Variants in SHROOM3 observed in about 807,000 individuals in gnomAD.
SHROOM3 encodes the protein shroom family member 3, also known as protein Shroom3.
Under a neutral mutation model 138.6 loss-of-function variants are expected in SHROOM3, and 47 were observed. The ratio of observed to expected loss-of-function variants is 0.34; its 90% CI spans 0.27 to 0.43. The LOEUF (loss-of-function observed/expected upper bound fraction) is 0.43, where lower values mean the gene tolerates loss of function less well. Among genes scored for constraint, SHROOM3 ranks in the 20% least tolerant of loss-of-function variants. SHROOM3 has a pLI of 1.00. For synonymous variants in SHROOM3, 1,062 were observed against 1,063.3 expected, an observed-to-expected ratio of 1.00 and a Z score of 0.02; for missense variants, 2,491 against 2,596.5, an observed-to-expected ratio of 0.96 and a Z score of 0.88.
chr4:76,613,825 A>G (rs1734813995), intron 2 of SHROOM3, among the ~76,000 whole-genome samples: 1 of 152,164 alleles, frequency 6.6e-6, no homozygotes, highest in South Asian at 2.1e-4. Context: ...ATCAAGAACA[A>G]CACAATATCA....
chr4:76,494,711 AT>A (rs747315605), intron 1 of SHROOM3, among the ~76,000 whole-genome samples: 4 of 152,124 alleles, frequency 2.6e-5, no homozygotes, highest in Non-Finnish European at 5.9e-5. Context: ...TATTTTAGTT[AT>A]TTATCCTGAG....
intron 1 of SHROOM3, among the ~76,000 whole-genome samples, chr4:76,528,343 CTTT>C (rs75403198): frequency 2.6e-5 from 1 of 38,492 alleles, no homozygotes; most frequent in African/African-American, 1.1e-4. Flanking sequence ...TCTTCTTCTT[CTTT>C]TTTTTTTTTT....
intron 1 of SHROOM3, among the ~76,000 whole-genome samples, chr4:76,545,104 C>CT (rs1560540382): frequency 1.4e-5 from 2 of 146,724 alleles, no homozygotes; most frequent in Admixed American, 6.7e-5. Flanking sequence ...TTTTTTTTTT[C>CT]TTTTTTTGTA....
At chr4:76,561,687 A>G in intron 2 of SHROOM3, among the ~76,000 whole-genome samples, 1 of 76,300 alleles carries the variant, frequency 1.3e-5, no homozygotes, top group African/African-American at 4.1e-5. Flanking sequence ...CTGTGATGCT[A>G]AAAAAAAAAA....
At chr4:76,486,385 A>G (rs1021744754) in intron 1 of SHROOM3, among the ~76,000 whole-genome samples, 6 of 152,252 alleles carry the variant, frequency 3.9e-5, no homozygotes, top group African/African-American at 1.2e-4. Flanking sequence ...AAATATTTGA[A>G]TAAGATGGGA....
intron 1 of SHROOM3, among the ~76,000 whole-genome samples, chr4:76,504,625 G>A (rs1046882864): frequency 1.3e-5 from 2 of 152,152 alleles, no homozygotes; most frequent in South Asian, 2.1e-4. Flanking sequence ...CCTTATTAGA[G>A]ATTAATAATA....
intron 1 of SHROOM3, among the ~76,000 whole-genome samples, chr4:76,497,785 G>A (rs532731040): frequency 1.3e-5 from 2 of 152,218 alleles, no homozygotes; most frequent in East Asian, 3.8e-4. Context: ...TTGAACCTGG[G>A]AGATGGAGGT....
rs111333287 is a variant in SHROOM3 at position 76,510,211 on chromosome 4, C to T, written c.169-45398C>T. ...CCTCAGTATTATTTTATAGTACAAA[C>T]GTGTTGAAATCAATTTCAATGTGCC... On this transcript the variant is annotated intron_variant, in intron 1 of 10. Coordinates refer to ENST00000296043, the MANE Select transcript of SHROOM3 (RefSeq NM_020859.4). Among the ~76,000 whole-genome samples, 202 of 152,090 alleles carry T rather than the reference C, an allele frequency of 1.3e-3. 2 individuals are homozygous for T. The highest frequency in any genetic ancestry group is 4.2e-3 in the African/African-American group (174 of 41,484).
chr4:76,618,792 T>C (rs1734937207), intron 2 of SHROOM3, among the ~76,000 whole-genome samples: 1 of 152,270 alleles, frequency 6.6e-6, no homozygotes, highest in Non-Finnish European at 1.5e-5. Context: ...GTTAGTTGAC[T>C]CAATAATGTC....
intron 1 of SHROOM3, among the ~76,000 whole-genome samples, chr4:76,525,591 A>C (rs931651160): frequency 1.3e-5 from 2 of 152,266 alleles, no homozygotes; most frequent in East Asian, 3.9e-4. Context: ...CATTTCATGC[A>C]CTTATTTACC....
chr4:76,660,718 C>G (rs1249725901), intron 2 of SHROOM3, among the ~76,000 whole-genome samples: 1 of 152,140 alleles, frequency 6.6e-6, no homozygotes, highest in African/African-American at 2.4e-5. Context: ...TCAGGTAATC[C>G]ACCTGCCTCA....
intron 1 of SHROOM3, 87 bp from the exon 2 acceptor site, chr4:76,555,522 G>T: frequency 6.3e-7 from 1 of 1,591,052 alleles, no homozygotes; most frequent in African/African-American, 1.3e-5. Context: ...GGCTCTGCAG[G>T]AGTCTAAGCT....
intron 10 of SHROOM3, among the ~76,000 whole-genome samples, chr4:76,777,832 CAT>C (rs1176188464): frequency 1.3e-5 from 2 of 152,110 alleles, no homozygotes; most frequent in Non-Finnish European, 2.9e-5. Flanking sequence ...TTAAAGATAA[CAT>C]ATGCTACAAT....
intron 2 of SHROOM3, among the ~76,000 whole-genome samples, chr4:76,690,137 C>G (rs1719479760): frequency 6.6e-6 from 1 of 152,164 alleles, no homozygotes; most frequent in Admixed American, 6.5e-5. Context: ...CCCCCAACCC[C>G]CACTTGCTCC....
intron 2 of SHROOM3, among the ~76,000 whole-genome samples, chr4:76,632,022 G>C (rs1334595646): frequency 6.6e-6 from 1 of 152,146 alleles, no homozygotes; most frequent in Non-Finnish European, 1.5e-5. Flanking sequence ...GGTTTTATCT[G>C]AATAATTGGG....
At position 76,693,376 on chromosome 4, in the gene SHROOM3, T is replaced by TTTTTTTTTG. The variant is rs1193080589; in HGVS notation, c.324-16772_324-16771insGTTTTTTTT. Among the ~76,000 whole-genome samples the TTTTTTTTTG allele has an allele frequency of 2.0e-4, 25 of 124,834 alleles. No homozygotes were observed. In the East Asian group the frequency reaches 5.6e-3, roughly 28 times the overall value. 81.9% of individuals were successfully genotyped at this position (124,834 alleles called of 152,430 possible). A position where few individuals can be genotyped will look rare whatever the true frequency, so the allele number is the denominator to read the frequency against. On this transcript the variant is annotated intron_variant, in intron 2 of 10. Transcript: ENST00000296043. The stretch of plus-strand genomic sequence containing the variant: ...CCTTCATTTTGATAAGTTTGTTTTT[T>TTTTTTTTTG]TTTTTTTTTTTTTTTTTAAAGCAAC...
At chr4:76,486,915 A>AT (rs2109991073) in intron 1 of SHROOM3, among the ~76,000 whole-genome samples, 1 of 152,144 alleles carries the variant, frequency 6.6e-6, no homozygotes, top group East Asian at 1.9e-4. Context: ...GCAACTTTAA[A>AT]AAAAAAACCT....
chr4:76,571,429 C>T (rs1733830373), intron 2 of SHROOM3, among the ~76,000 whole-genome samples: 1 of 152,208 alleles, frequency 6.6e-6, no homozygotes, highest in African/African-American at 2.4e-5. Context: ...AGAAAGCACA[C>T]ACTGGGCCCT....
intron 2 of SHROOM3, among the ~76,000 whole-genome samples, chr4:76,620,070 C>CAAAAAAAAAAA (rs68039696): frequency 1.6e-5 from 1 of 61,096 alleles, no homozygotes; most frequent in Non-Finnish European, 3.2e-5. Context: ...GAATCTATCT[C>CAAAAAAAAAAA]AAAAAAAAAA....
Sources: allele counts gnomAD v4.1 joint callset (sites outside exome capture counted in the v4.1 genomes callset), GRCh38; gene constraint gnomAD v4.1.1; transcripts MANE v1.5; gene names NCBI Gene and HGNC (gene_info 2026-07-23, HGNC 2026-07-21).